DCC: variants seen among roughly 807,000 people sequenced by gnomAD.
DCC encodes the protein DCC netrin 1 receptor.
DCC carries 58 observed loss-of-function variants against 172.5 expected under a neutral mutation model. That is an observed-to-expected ratio of 0.34 (90% CI 0.27 to 0.42). The LOEUF is 0.42. Among genes scored for constraint, DCC ranks in the 10% least tolerant of loss-of-function variants. The pLI is 1.00. For missense variants in DCC, 1,740 were observed against 1,791.0 expected, an observed-to-expected ratio of 0.97 and a Z score of 0.51; for synonymous variants, 709 against 644.5, an observed-to-expected ratio of 1.10 and a Z score of -1.52.
chr18:53,527,537 G>C (rs2046472936), intron 28 of DCC, among the ~76,000 whole-genome samples: 2 of 151,696 alleles, frequency 1.3e-5, no homozygotes, highest in South Asian at 4.1e-4. Flanking sequence ...AATTGAAGGA[G>C]TTTAAGTAAT....
intron 2 of DCC, among the ~76,000 whole-genome samples, chr18:52,810,935 G>C (rs1326331905): frequency 6.6e-6 from 1 of 152,126 alleles, no homozygotes; most frequent in African/African-American, 2.4e-5. Context: ...AGGGATGGCA[G>C]ATGGCACGTT....
At chr18:53,459,125 G>A (rs1049176868) in intron 23 of DCC, 107 bp from the exon 24 acceptor site, 26 of 913,032 alleles carry the variant, frequency 2.8e-5, no homozygotes, top group South Asian at 1.9e-4. Context: ...CTCATTCTGC[G>A]AGTCCTTTTG....
At chr18:52,948,342 T>G (rs2040582330) in intron 5 of DCC, among the ~76,000 whole-genome samples, 1 of 151,920 alleles carries the variant, frequency 6.6e-6, no homozygotes. Context: ...GTGTCTTATT[T>G]CCCAAAATTG....
intron 2 of DCC, chr18:52,892,513 A>T (rs1466930265): frequency 1.3e-5 from 2 of 152,178 alleles, no homozygotes; most frequent in African/African-American, 4.8e-5. Context: ...ATTTTTCTAC[A>T]GCCCAATCAT....
chr18:53,042,309 A>T (rs191955490), intron 5 of DCC, among the ~76,000 whole-genome samples: 3 of 152,154 alleles, frequency 2.0e-5, no homozygotes, highest in Non-Finnish European at 2.9e-5. Context: ...GATTATGCTT[A>T]TTGATTTGCA....
intron 27 of DCC, among the ~76,000 whole-genome samples, chr18:53,515,477 G>T (rs1228657142): frequency 6.7e-6 from 1 of 149,586 alleles, no homozygotes; most frequent in Non-Finnish European, 1.5e-5. Flanking sequence ...GGAAATAAAG[G>T]GTATTCAATT....
At chr18:53,135,116 T>G (rs2043720108) in intron 7 of DCC, among the ~76,000 whole-genome samples, 1 of 152,190 alleles carries the variant, frequency 6.6e-6, no homozygotes, top group Admixed American at 6.5e-5. Context: ...CAAGTCTCAC[T>G]ATTTGCCAGA....
chr18:53,038,991 C>G (rs187782363), intron 5 of DCC, among the ~76,000 whole-genome samples: 56 of 152,036 alleles, frequency 3.7e-4, no homozygotes, highest in African/African-American at 1.3e-3. Context: ...ACCTAATCAG[C>G]TGTCACATCA....
intron 2 of DCC, among the ~76,000 whole-genome samples, chr18:52,796,940 C>T (rs1015351462): frequency 1.3e-5 from 2 of 151,846 alleles, no homozygotes; most frequent in Non-Finnish European, 2.9e-5. Flanking sequence ...TTGGGAAATT[C>T]CAGAATTCAT....
chr18:52,611,212 G>C (rs1320926469), intron 1 of DCC, among the ~76,000 whole-genome samples: 5 of 151,946 alleles, frequency 3.3e-5, no homozygotes, highest in Non-Finnish European at 7.4e-5. Flanking sequence ...GTCTTTCCCA[G>C]GTGTGTGCCT....
intron 10 of DCC, among the ~76,000 whole-genome samples, chr18:53,207,160 C>T (rs1411827124): frequency 6.6e-6 from 1 of 152,110 alleles, no homozygotes; most frequent in East Asian, 1.9e-4. Flanking sequence ...GTAACCTTCA[C>T]CTCCAGTATC....
chr18:53,265,390 T>C (rs1319377157), intron 12 of DCC, among the ~76,000 whole-genome samples: 1 of 152,198 alleles, frequency 6.6e-6, no homozygotes, highest in African/African-American at 2.4e-5. Flanking sequence ...AAGTGTACTA[T>C]GCATTGGAGA....
intron 5 of DCC, among the ~76,000 whole-genome samples, chr18:52,961,347 T>C (rs139020508): frequency 6.6e-6 from 1 of 152,174 alleles, no homozygotes; most frequent in Non-Finnish European, 1.5e-5. Flanking sequence ...GACACAATGA[T>C]AGCACTGATT....
intron 1 of DCC, among the ~76,000 whole-genome samples, chr18:52,518,785 G>C (rs573194230): frequency 2.6e-5 from 4 of 152,280 alleles, no homozygotes; most frequent in South Asian, 2.1e-4. Flanking sequence ...CAGAGCCAGA[G>C]AGACAAAAAT....
chr18:53,262,065 A>C (rs755868103), intron 12 of DCC, among the ~76,000 whole-genome samples: 2 of 152,328 alleles, frequency 1.3e-5, no homozygotes, highest in Non-Finnish European at 2.9e-5. Flanking sequence ...TCTAAGAGCA[A>C]GATCTATAGT....
At chr18:52,974,433 C>T (rs2041081013) in intron 5 of DCC, among the ~76,000 whole-genome samples, 1 of 152,100 alleles carries the variant, frequency 6.6e-6, no homozygotes, top group Non-Finnish European at 1.5e-5. Flanking sequence ...GTTGACGGAG[C>T]CACATTTGCA....
chr18:52,351,470 CTA>C (rs1984119266), intron 1 of DCC, among the ~76,000 whole-genome samples: 1 of 152,004 alleles, frequency 6.6e-6, no homozygotes. Flanking sequence ...CCTATCTATC[CTA>C]TATGTTTAGA....
chr18:53,476,061 C>T (rs1044634038), intron 25 of DCC, among the ~76,000 whole-genome samples: 2 of 152,134 alleles, frequency 1.3e-5, no homozygotes, highest in African/African-American at 4.8e-5. Context: ...GCGCCTGTAG[C>T]CCCTTTGTTT....
At chr18:52,901,415 G>A (rs527876835) in intron 2 of DCC, among the ~76,000 whole-genome samples, 9 of 152,010 alleles carry the variant, frequency 5.9e-5, no homozygotes, top group Admixed American at 3.3e-4. Context: ...GGGCGATAGT[G>A]TATAAGACTC....
Sources: allele counts gnomAD v4.1 joint callset (sites outside exome capture counted in the v4.1 genomes callset), GRCh38; gene constraint gnomAD v4.1.1; transcripts MANE v1.5; gene names NCBI Gene and HGNC (gene_info 2026-07-23, HGNC 2026-07-21).